Variants in ARHGEF40 observed in about 807,000 individuals in gnomAD.
ARHGEF40 encodes the protein Rho guanine nucleotide exchange factor 40.
Under a neutral mutation model 165.9 loss-of-function variants are expected in ARHGEF40, and 98 were observed. The ratio of observed to expected loss-of-function variants is 0.59; its 90% CI spans 0.50 to 0.70. The LOEUF is 0.70. Among genes scored for constraint, ARHGEF40 ranks in the 30% least tolerant of loss-of-function variants. The pLI is 0.00. For missense variants in ARHGEF40, 1,815 were observed against 1,968.0 expected (o/e 0.92, Z 1.47); for synonymous variants, 792 against 814.3 (o/e 0.97, Z 0.47).
rs765572415 is a variant in ARHGEF40 at position 21,078,220 on chromosome 14, C to T, written c.2078C>T (p.Ser693Leu). 8 of 1,613,912 alleles carry T rather than the reference C, an allele frequency of 5.0e-6. No individual in the cohort carries two copies. Among genetic ancestry groups the T allele is most frequent in the East Asian group, 2.2e-5 (1 of 44,868 alleles). ...CGCCTGTGCCAAGGTGTGCTGGGCT[C>T]GGTACGGCAGGCCATTGAGGAGCTG... Reference protein sequence around the residue: ...LCRLCQGVLGSVRQAIEELEG... With the variant: ...LCRLCQGVLGLVRQAIEELEG... The change falls in exon 9 of 24, where the codon TCG becomes TTG. Residue 693 changes from serine to leucine, a missense_variant. Coordinates refer to ENST00000298694, the MANE Select transcript of ARHGEF40 (RefSeq NM_018071.5).
In ARHGEF40 at chr14:21,084,876, G is replaced by C. The variant is rs370853171; in HGVS notation, c.3913G>C (p.Gly1305Arg). ...EHLLLFSKLK[G>R]PEGGSEMFVY... ...TCTCCTCCTGTTCAGCAAGCTCAAG[G>C]GCCCTGAAGGGGGGTCAGAGATGTT... Residue 1305 changes from glycine to arginine, a missense_variant, in exon 18 of 24, where the codon GGC becomes CGC. Gly to Arg is a moderately radical substitution (Grantham distance 125). Coordinates refer to ENST00000298694, the MANE Select transcript of ARHGEF40 (RefSeq NM_018071.5). 1 of 1,614,136 alleles carries C rather than the reference G, an allele frequency of 6.2e-7. No individual in the cohort carries two copies. Among genetic ancestry groups the C allele is most frequent in the South Asian group, 1.1e-5 (1 of 91,086 alleles).
chr14:21,065,128 A>G, the ARHGEF40 span, among the ~76,000 whole-genome samples: 1 of 151,716 alleles, frequency 6.6e-6, no homozygotes, highest in Non-Finnish European at 1.5e-5. Flanking sequence ...TCGAGATTGT[A>G]CCACTGCACT....
rs1481187916 is a variant in ARHGEF40 at position 21,074,742 on chromosome 14, G to A, written c.1012G>A (p.Ala338Thr). 1.6e-5 allele frequency: 25 copies of A among 1,607,610 alleles called. No homozygotes were observed. The Admixed American group carries it at 3.4e-4, about 22-fold the overall frequency. Residue 338 changes from alanine to threonine, a missense_variant, in exon 3 of 24, where the codon GCA becomes ACA. Ala to Thr is a moderately conservative substitution (Grantham distance 58). Transcript: ENST00000298694. This position sits in a 1 kb window ranked among gnomAD's most constrained non-coding sequence, Gnocchi z 4.8. ...AGTCTTGGAGGTGTCTGAGCCCCCA[G>A]CAGAGGCTGTGGGAGAAGCCTCCGG... ...AAVLEVSEPPAEAVGEASGSC... is the reference protein window; with the variant it reads ...AAVLEVSEPPTEAVGEASGSC...
intron 15 of ARHGEF40, 61 bp from the exon 16 acceptor site, chr14:21,082,768 AAG>A: frequency 2.0e-6 from 3 of 1,514,830 alleles, no homozygotes; most frequent in South Asian, 1.1e-5. Flanking sequence ...AGAGAGGGGG[AAG>A]AGAGAGGCTT....
chr14:21,086,156 T>C (rs1888314579), intron 19 of ARHGEF40: 2 of 348,610 alleles, frequency 5.7e-6, no homozygotes, highest in East Asian at 6.3e-5. Flanking sequence ...AGTGGGAGGA[T>C]TGTTTGAGGC....
upstream of ARHGEF40, among the ~76,000 whole-genome samples, chr14:21,068,289 G>A (rs1350232309): frequency 1.6e-4 from 2 of 12,146 alleles, 1 homozygote; most frequent in Non-Finnish European, 1.0e-3. Context: ...GTGAGCCACC[G>A]CGCCCGGCCG....
rs200737605 is a variant in ARHGEF40, at chr14:21,081,593, C to T, written c.2725C>T (p.Arg909Trp). The T allele has an allele frequency of 6.8e-5, 109 of 1,611,466 alleles. No homozygotes were observed. Among genetic ancestry groups the T allele is most frequent in the Admixed American group, 6.3e-4 (38 of 59,934 alleles). Residue 909 changes from arginine to tryptophan, a missense_variant, in exon 14 of 24, where the codon CGG becomes TGG. Arg to Trp is a moderately radical substitution (Grantham distance 101). Coordinates refer to ENST00000298694, the MANE Select transcript of ARHGEF40 (RefSeq NM_018071.5). The part of the protein sequence containing the change: ...REAVLAALAL[R>W]RAPEPSAGTF... ...GGCTGTGCTGGCTGCACTGGCCCTG[C>T]GGCGGGCCCCAGAGCCCAGTGCCGG...
chr14:21,080,387 G>T (rs996733579), intron 11 of ARHGEF40, among the ~76,000 whole-genome samples: 1 of 151,958 alleles, frequency 6.6e-6, no homozygotes, highest in African/African-American at 2.4e-5. Flanking sequence ...CTTCACCCTC[G>T]GACATAGCCC....
At chr14:21,070,095 G>T (rs1276919938), upstream of ARHGEF40, among the ~76,000 whole-genome samples, 3 of 151,998 alleles carry the variant, frequency 2.0e-5, no homozygotes, top group African/African-American at 7.2e-5. This position sits in a 1 kb window ranked among gnomAD's most constrained non-coding sequence, Gnocchi z 4.7. Context: ...GCCGGTGAAC[G>T]GGACGGATAG....
In ARHGEF40 at chr14:21,082,262, G is replaced by A. The variant is rs1219145054; in HGVS notation, c.3270G>A (p.Val1090=). ...CCTGCAGTGCCCAGCAGCGGCTGGTGTCTGAGCTGATTGCCTGTGAACAAG... is the reference window on the plus strand; with the variant it reads ...CCTGCAGTGCCCAGCAGCGGCTGGTATCTGAGCTGATTGCCTGTGAACAAG... ...KRSISAQQRL[V]SELIACEQDY... Residue 1090 remains valine, a synonymous_variant, in exon 15 of 24, where the codon GTG becomes GTA. Transcript: ENST00000298694. The A allele has an allele frequency of 6.2e-7, 1 of 1,611,024 alleles. No homozygotes were observed. Among genetic ancestry groups the A allele is most frequent in the Admixed American group, 1.7e-5 (1 of 59,880 alleles).
At chr14:21,083,722 G>C (rs1888114683) in intron 16 of ARHGEF40, 113 bp from the exon 17 acceptor site, 3 of 943,094 alleles carry the variant, frequency 3.2e-6, no homozygotes, top group Non-Finnish European at 4.6e-6. Flanking sequence ...GGAGCATCTG[G>C]GCTTCATCTA....
In ARHGEF40 at chr14:21,072,905, C is replaced by A; in HGVS notation, c.4-140C>A. The A allele has an allele frequency of 1.2e-6, 1 of 857,482 alleles. No homozygotes were observed. The highest frequency in any genetic ancestry group is 1.8e-6 in the Non-Finnish European group (1 of 549,032). The allele number at this position is 857,482 out of a possible 1,614,324, so 53.1% of individuals were successfully genotyped here. A position where few individuals can be genotyped will look rare whatever the true frequency, so the allele number is the denominator to read the frequency against. On this transcript the variant is annotated intron_variant, in intron 1 of 23. Transcript: ENST00000298694. This position sits in a 1 kb window ranked among gnomAD's most constrained non-coding sequence, Gnocchi z 4.1. ...CTCCTGTTCTGGGCTCATCAGCCAG[C>A]ATTTCCTGAGTGCTCACTTTTTGCC...
intron 21 of ARHGEF40, 92 bp downstream of exon 21, chr14:21,087,555 A>G (rs1888457807): frequency 6.5e-7 from 1 of 1,534,394 alleles, no homozygotes; most frequent in Admixed American, 1.9e-5. Flanking sequence ...TTTTCTAGCC[A>G]AGAAGCCCAG....
rs75882726 is a variant in ARHGEF40 at position 21,087,415 on chromosome 14, C to G, written c.4339C>G (p.Arg1447Gly). Reference sequence around the variant, plus strand: ...GCCGGGAGCCTGCTCCCTGCCTGCCCGCGTCGAGGAGGAGGCCTGGGATCT... The same window carrying G: ...GCCGGGAGCCTGCTCCCTGCCTGCCGGCGTCGAGGAGGAGGCCTGGGATCT... ...LSPGACSLPA[R>G]VEEEAWDLDV... Residue 1447 changes from arginine (R) to glycine (G), a missense_variant, in exon 21 of 24, where the codon CGC (arginine) becomes GGC (glycine). By Grantham distance (125) the Arg-to-Gly change is moderately radical. Transcript: ENST00000298694. 3.4e-5 allele frequency: 54 copies of G among 1,601,726 alleles called. No individual in the cohort carries two copies. Among genetic ancestry groups the G allele is most frequent in the Middle Eastern group, 3.3e-4 (2 of 6,062 alleles).
chr14:21,080,698 G>A lies in ARHGEF40; in HGVS notation c.2412G>A (p.Leu804=). ...QWLSGPGEEQ[L]ASFAMPGDTL... ...TCTCGGGCCCAGGGGAGGAGCAGCT[G>A]GCAAGCTTTGCTATGCCTGGGGACA... Residue 804 remains leucine (L), a synonymous_variant, in exon 12 of 24, where the codon CTG becomes CTA. Coordinates refer to ENST00000298694, the MANE Select transcript of ARHGEF40 (RefSeq NM_018071.5). The A allele has an allele frequency of 1.9e-6, 3 of 1,611,960 alleles. No homozygotes were observed. The highest frequency in any genetic ancestry group is 1.7e-6 in the Non-Finnish European group (2 of 1,179,286).
At chr14:21,064,154 G>A in the ARHGEF40 span, among the ~76,000 whole-genome samples, 1 of 152,068 alleles carries the variant, frequency 6.6e-6, no homozygotes, top group Non-Finnish European at 1.5e-5. Context: ...AAAATATGTC[G>A]AATGGGAATA....
At position 21,088,874 on chromosome 14, in the gene ARHGEF40, TG is replaced by T; in HGVS notation, c.*5+1del. The stretch of plus-strand genomic sequence containing the variant: ...GTGACCCCACCACGCCTCTGTGACC[TG>T]GGTGAGTCAGCATCCCCAATTTCTA... On this transcript the variant is annotated splice_region_variant and 3_prime_UTR_variant, in exon 23 of 24. Transcript: ENST00000298694. 1.2e-6 allele frequency: 2 copies of T among 1,612,354 alleles called. No individual in the cohort carries two copies. The highest frequency in any genetic ancestry group is 2.2e-5 in the South Asian group (2 of 90,938).
In ARHGEF40 at chr14:21,078,919, A is replaced by G; in HGVS notation, c.2282A>G (p.Glu761Gly). Residue 761 changes from glutamate to glycine, a missense_variant, in exon 11 of 24, where the codon GAA (glutamate) becomes GGA (glycine). Physicochemically the swap from Glu to Gly is moderately conservative, Grantham distance 98 (BLOSUM62 -2). Transcript: ENST00000298694. ...EGQGPATLYQ[E>G]VDEAIHQLVR... ...CAAGGCCCAGCTACACTGTATCAGG[A>G]AGTGGACGAGGCCATTCACCAGCTT... The G allele has an allele frequency of 6.2e-7, 1 of 1,614,178 alleles. No homozygotes were observed. The highest frequency in any genetic ancestry group is 8.5e-7 in the Non-Finnish European group (1 of 1,179,990).
chr14:21,082,801 G>C lies in ARHGEF40; in HGVS notation c.3487-30G>C. ...GGCTTGTCTGCAGCGGCCTCACCGG[G>C]GACTCCTTATCTGTTCTTTACTGGC... On this transcript the variant is annotated intron_variant, in intron 15 of 23. Coordinates refer to ENST00000298694, the MANE Select transcript of ARHGEF40 (RefSeq NM_018071.5). 4 of 1,607,844 alleles carry C rather than the reference G, an allele frequency of 2.5e-6. No individual in the cohort carries two copies. In the South Asian group the frequency reaches 4.4e-5, roughly 18 times the overall value.
Sources: allele counts gnomAD v4.1 joint callset (sites outside exome capture counted in the v4.1 genomes callset), GRCh38; gene constraint gnomAD v4.1.1; non-coding constraint Gnocchi (gnomAD v3.1); transcripts MANE v1.5; gene names NCBI Gene and HGNC (gene_info 2026-07-23, HGNC 2026-07-21).